AKAP13: variants seen among roughly 807,000 people sequenced by gnomAD.
AKAP13 encodes the protein A-kinase anchoring protein 13.
A neutral mutation model predicts 264.5 loss-of-function variants in AKAP13; 80 were observed. That is an observed-to-expected ratio of 0.30 (90% confidence interval 0.25 to 0.36). The LOEUF (loss-of-function observed/expected upper bound fraction) is 0.36, where lower values mean the gene tolerates loss of function less well. Among genes scored for constraint, AKAP13 ranks in the 10% least tolerant of loss-of-function variants. AKAP13 has a pLI of 1.00. For missense variants in AKAP13, 3,712 were observed against 3,435.2 expected (o/e 1.08, Z -2.01); for synonymous variants, 1,380 against 1,250.2 (o/e 1.10, Z -2.19).
chr15:85,728,238 A>C (rs2087738159), intron 29 of AKAP13, among the ~76,000 whole-genome samples: 1 of 152,192 alleles, frequency 6.6e-6, no homozygotes, highest in Admixed American at 6.5e-5. Context: ...CAAAGTAAAG[A>C]CTATGCTTTG....
chr15:85,435,158 G>A (rs2073218103), intron 1 of AKAP13, among the ~76,000 whole-genome samples: 1 of 141,854 alleles, frequency 7.0e-6, no homozygotes, highest in African/African-American at 2.6e-5. Context: ...CAAGGCTCGA[G>A]AACTACGTGA....
chr15:85,579,376 G>A lies in AKAP13; in HGVS notation c.1308G>A (p.Gln436=). 1 of 1,614,210 alleles carries A rather than the reference G, an allele frequency of 6.2e-7. No individual in the cohort carries two copies. The highest frequency in any genetic ancestry group is 8.5e-7 in the Non-Finnish European group (1 of 1,180,036). ...GTKSSGMPTD[Q]ESLSSGDAVL... ...AATCTTCTGGAATGCCCACAGACCA[G>A]GAGTCCCTGAGCAGTGGAGATGCTG... Residue 436 remains glutamine, a synonymous_variant, in exon 7 of 37, where the codon CAG becomes CAA. Coordinates refer to ENST00000394518, the MANE Select transcript of AKAP13 (RefSeq NM_007200.5).
chr15:85,382,217 A>G (rs1362539219), intron 1 of AKAP13: 1 of 152,224 alleles, frequency 6.6e-6, no homozygotes, highest in Non-Finnish European at 1.5e-5. Context: ...TTCCTTTACC[A>G]TCTGCTAAAT....
rs1158236474 is a variant in AKAP13 at position 85,664,727 on chromosome 15, A to G, written c.4964A>G (p.Gln1655Arg). 6.2e-7 allele frequency: 1 copy of G among 1,613,930 alleles called. No individual in the cohort carries two copies. Among genetic ancestry groups the G allele is most frequent in the Admixed American group, 1.7e-5 (1 of 59,988 alleles). ...SLSEEDLESD[Q>R]REHRMFDQQI... Reference sequence around the variant, plus strand: ...TCAGAAGAGGATCTGGAGTCAGACCAGAGAGAACATAGGATGTTTGATCAG... The same window carrying G: ...TCAGAAGAGGATCTGGAGTCAGACCGGAGAGAACATAGGATGTTTGATCAG... Residue 1655 changes from glutamine (Q) to arginine (R), a missense_variant, in exon 13 of 37, where the codon CAG becomes CGG. Coordinates refer to ENST00000394518, the MANE Select transcript of AKAP13 (RefSeq NM_007200.5).
chr15:85,432,396 G>C (rs371910926), intron 1 of AKAP13, among the ~76,000 whole-genome samples: 2 of 151,990 alleles, frequency 1.3e-5, no homozygotes, highest in Admixed American at 6.6e-5. Context: ...TCAGTTTGAG[G>C]ATAGCTGAAA....
At chr15:85,538,680 G>A (rs1323182665) in intron 4 of AKAP13, among the ~76,000 whole-genome samples, 2 of 150,494 alleles carry the variant, frequency 1.3e-5, no homozygotes, top group African/African-American at 2.4e-5. Context: ...TAGTAGAGAC[G>A]GGGTTTCACT....
intron 1 of AKAP13, among the ~76,000 whole-genome samples, chr15:85,381,521 C>CCT (rs2070263900): frequency 1.6e-5 from 1 of 64,290 alleles, no homozygotes; most frequent in Non-Finnish European, 2.6e-5. Flanking sequence ...CGGTTTACTG[C>CCT]TTTTTTTTTT....
intron 34 of AKAP13, 148 bp from the exon 35 acceptor site, chr15:85,740,898 G>A: frequency 2.2e-6 from 3 of 1,344,012 alleles, no homozygotes. Flanking sequence ...TTATCCTGGA[G>A]CATTTTTATG....
intron 2 of AKAP13, among the ~76,000 whole-genome samples, chr15:85,495,966 A>G (rs2151080488): frequency 6.6e-6 from 1 of 152,324 alleles, no homozygotes; most frequent in East Asian, 1.9e-4. Flanking sequence ...TTCTATTAGA[A>G]TAGGGACCGT....
intron 1 of AKAP13, among the ~76,000 whole-genome samples, chr15:85,425,959 G>T (rs757431032): frequency 6.6e-6 from 1 of 151,790 alleles, no homozygotes; most frequent in Admixed American, 6.6e-5. Context: ...TGTGAAGAGA[G>T]AAAATAAGAG....
At chr15:85,637,230 T>A (rs1234719840) in intron 8 of AKAP13, among the ~76,000 whole-genome samples, 1 of 152,196 alleles carries the variant, frequency 6.6e-6, no homozygotes, top group Non-Finnish European at 1.5e-5. Flanking sequence ...TGACATTTCT[T>A]TCTTAAATGT....
chr15:85,493,542 G>A (rs1023826603), intron 2 of AKAP13, among the ~76,000 whole-genome samples: 4 of 152,128 alleles, frequency 2.6e-5, no homozygotes, highest in Non-Finnish European at 4.4e-5. Context: ...AGCTGAGTGT[G>A]TTTGATAGTT....
At chr15:85,666,659 C>T (rs1202721152) in intron 13 of AKAP13, among the ~76,000 whole-genome samples, 1 of 152,228 alleles carries the variant, frequency 6.6e-6, no homozygotes, top group Non-Finnish European at 1.5e-5. Flanking sequence ...AGTGATCCTT[C>T]TGCCTCAGTC....
chr15:85,708,009 T>C lies in AKAP13; in HGVS notation c.5465-10T>C, dbSNP rs2086410152. Reference sequence around the variant, plus strand: ...TTGTCCATGTGACCTTGGGTTTGCTTTCTTTTCAGATTGCAGTGCTTTTGT... The same window carrying C: ...TTGTCCATGTGACCTTGGGTTTGCTCTCTTTTCAGATTGCAGTGCTTTTGT... On this transcript the variant is annotated splice_polypyrimidine_tract_variant and intron_variant, in intron 17 of 36. Coordinates refer to ENST00000394518, the MANE Select transcript of AKAP13 (RefSeq NM_007200.5). This position sits in a 1 kb window ranked among gnomAD's most constrained non-coding sequence, Gnocchi z 4.3. 2 of 1,613,604 alleles carry C rather than the reference T, an allele frequency of 1.2e-6. No homozygotes were observed. Among genetic ancestry groups the C allele is most frequent in the Non-Finnish European group, 1.7e-6 (2 of 1,179,738 alleles).
intron 1 of AKAP13, among the ~76,000 whole-genome samples, chr15:85,462,214 T>C (rs996375638): frequency 2.0e-5 from 3 of 152,186 alleles, no homozygotes; most frequent in Non-Finnish European, 4.4e-5. Flanking sequence ...AAGCCTTCAG[T>C]GGTTATGACT....
intron 5 of AKAP13, among the ~76,000 whole-genome samples, chr15:85,546,158 T>C (rs535053412): frequency 6.6e-6 from 1 of 152,264 alleles, no homozygotes; most frequent in South Asian, 2.1e-4. Context: ...AAACAATACG[T>C]ACTTCAAAAT....
At chr15:85,404,880 C>T (rs187670305) in intron 1 of AKAP13, among the ~76,000 whole-genome samples, 11 of 152,098 alleles carry the variant, frequency 7.2e-5, no homozygotes, top group African/African-American at 2.4e-4. Flanking sequence ...AGTTATTTTG[C>T]CTTCGTTGCT....
At position 85,441,669 on chromosome 15, in the gene AKAP13, G is replaced by A. The variant is rs191713104; in HGVS notation, c.-11-44041G>A. Among the ~76,000 whole-genome samples, 196 of 151,970 alleles carry A rather than the reference G, an allele frequency of 1.3e-3. 2 individuals carry two copies. Among genetic ancestry groups the A allele is most frequent in the Non-Finnish European group, 9.1e-4 (62 of 67,958 alleles). On this transcript the variant is annotated intron_variant, in intron 1 of 36. Transcript: ENST00000394518. ...GTTTGTATCTGTGATCCATATTTGG[G>A]TTTATTTTTGTGTATGGTGTAAGCT...
At chr15:85,595,925 A>G (rs2079805138) in intron 8 of AKAP13, among the ~76,000 whole-genome samples, 1 of 152,206 alleles carries the variant, frequency 6.6e-6, no homozygotes, top group Non-Finnish European at 1.5e-5. Context: ...AATTGAAACA[A>G]GTAGTATTTC....
Sources: gnomAD v4.1 joint callset for allele counts (sites outside exome capture counted in the v4.1 genomes callset) on GRCh38, gnomAD v4.1.1 for gene constraint, Gnocchi (gnomAD v3.1) non-coding constraint, MANE v1.5 for transcripts, NCBI Gene and HGNC (gene_info 2026-07-23, HGNC 2026-07-21) for gene names.